Variants in TMEM50B observed in about 807,000 individuals in gnomAD.
The protein encoded by TMEM50B is HCV p7-trans-regulated protein 3.
Under a neutral mutation model 23.4 loss-of-function variants are expected in TMEM50B, and 14 were observed. The observed-to-expected ratio is 0.60, with a 90% confidence interval of 0.39 to 0.93. The LOEUF (loss-of-function observed/expected upper bound fraction) is 0.93, where lower values mean the gene tolerates loss of function less well. Ranked by LOEUF, TMEM50B falls within the 40% of genes least tolerant of loss-of-function variation. The pLI is 0.00. For synonymous variants in TMEM50B, 64 were observed against 62.3 expected (o/e 1.03, Z -0.13); for missense variants, 159 against 193.0 (o/e 0.82, Z 1.04).
intron 6 of TMEM50B, among the ~76,000 whole-genome samples, chr21:33,452,518 C>T (rs930271131): frequency 1.3e-5 from 2 of 152,146 alleles, no homozygotes; most frequent in African/African-American, 4.8e-5. Flanking sequence ...TCTCACAAGT[C>T]GAGTAGAGAA....
At chr21:33,441,373 A>T (rs919182373) in intron 7 of TMEM50B, among the ~76,000 whole-genome samples, 1 of 152,214 alleles carries the variant, frequency 6.6e-6, no homozygotes, top group African/African-American at 2.4e-5. Flanking sequence ...TTACAAGGGG[A>T]ACACGTGTGC....
At chr21:33,463,527 G>A (rs1409487421) in intron 4 of TMEM50B, among the ~76,000 whole-genome samples, 2 of 152,102 alleles carry the variant, frequency 1.3e-5, no homozygotes, top group Non-Finnish European at 2.9e-5. Context: ...TTGGGGCAAT[G>A]GAAATGTTCT....
At chr21:33,462,594 C>T (rs2084226757) in intron 4 of TMEM50B, among the ~76,000 whole-genome samples, 1 of 152,034 alleles carries the variant, frequency 6.6e-6, no homozygotes, top group African/African-American at 2.4e-5. Context: ...ATTGCTTGAG[C>T]CCAGGAGTTC....
At chr21:33,441,994 A>G (rs1289149178) in intron 7 of TMEM50B, among the ~76,000 whole-genome samples, 1 of 134,484 alleles carries the variant, frequency 7.4e-6, no homozygotes, top group Non-Finnish European at 1.5e-5. Flanking sequence ...CCCCAGCTCT[A>G]TTTGTCAGGG....
At chr21:33,438,807 G>T (rs1037008277) in intron 8 of TMEM50B, among the ~76,000 whole-genome samples, 4 of 151,888 alleles carry the variant, frequency 2.6e-5, no homozygotes, top group African/African-American at 9.7e-5. Flanking sequence ...TCAGCTCGCT[G>T]CAACCTCCAC....
At chr21:33,434,324 C>G (rs2083921605) in intron 8 of TMEM50B, among the ~76,000 whole-genome samples, 1 of 152,058 alleles carries the variant, frequency 6.6e-6, no homozygotes, top group Non-Finnish European at 1.5e-5. Context: ...GAGTTCGAGA[C>G]CAGCCTGGCC....
In TMEM50B at chr21:33,477,333, GC is replaced by G. The variant is rs574427440; in HGVS notation, c.-42+2504del. Among the ~76,000 whole-genome samples the G allele has an allele frequency of 2.0e-5, 3 of 151,978 alleles. No individual in the cohort carries two copies. The South Asian group carries it at 6.2e-4, about 32-fold the overall frequency. On this transcript the variant is annotated intron_variant, in intron 1 of 6. Coordinates refer to ENST00000542230, the MANE Select transcript of TMEM50B (RefSeq NM_006134.7). ...GAGGAAATGAGGTAGGTCTCCACGT[GC>G]TTATGAAGGAAATGTGTCCTTATAT...
rs1008131463 is a variant in TMEM50B, at chr21:33,474,988, G to A, written c.-42+4850C>T. Among the ~76,000 whole-genome samples the A allele has an allele frequency of 6.8e-5, 10 of 147,510 alleles. No homozygotes were observed. The East Asian group carries it at 1.5e-3, about 22-fold the overall frequency. On this transcript the variant is annotated intron_variant, in intron 1 of 6. Transcript: ENST00000542230. Reference sequence around the variant, plus strand: ...GTCACCCAGGATGGAGTGCAGTGGCGTGATCTGAGCTCACTGCAACCTCCA... The same window carrying A: ...GTCACCCAGGATGGAGTGCAGTGGCATGATCTGAGCTCACTGCAACCTCCA...
chr21:33,441,898 T>G (rs2084012025), intron 7 of TMEM50B, among the ~76,000 whole-genome samples: 1 of 152,246 alleles, frequency 6.6e-6, no homozygotes. Context: ...TCTAAAATGC[T>G]GGGATTACAG....
At chr21:33,433,469 C>T (rs771667447) in intron 8 of TMEM50B, among the ~76,000 whole-genome samples, 1 of 152,346 alleles carries the variant, frequency 6.6e-6, no homozygotes, top group East Asian at 1.9e-4. Flanking sequence ...TCCTACCACA[C>T]ACATGGACCT....
chr21:33,466,908 T>G, intron 3 of TMEM50B, 102 bp downstream of exon 3: 1 of 832,112 alleles, frequency 1.2e-6, no homozygotes, highest in East Asian at 2.7e-5. Context: ...TAAAAAATAG[T>G]CTATCAAATA....
rs528247763 is a variant in TMEM50B, at chr21:33,467,160, C to T, written c.100-38G>A. 5.3e-6 allele frequency: 8 copies of T among 1,521,308 alleles called. No individual in the cohort carries two copies. The Admixed American group carries it at 1.0e-4, about 19-fold the overall frequency. The allele number at this position is 1,521,308 out of a possible 1,614,324, so 94.2% of individuals were successfully genotyped here. ...CCCAAGTCACTGAAACATTAAAACT[C>T]TTGCTAGCACAATACCTGCTTTTTA... is the stretch of plus-strand genomic sequence containing the variant. On this transcript the variant is annotated intron_variant, in intron 2 of 6. Transcript: ENST00000542230.
At chr21:33,454,667 AT>A (rs959649396) in intron 6 of TMEM50B, among the ~76,000 whole-genome samples, 9 of 149,544 alleles carry the variant, frequency 6.0e-5, no homozygotes, top group East Asian at 2.0e-4. Context: ...GTTGTTGTTA[AT>A]TTTTTTTTTC....
At chr21:33,479,137 T>A (rs186434775) in intron 1 of TMEM50B, 3 of 227,794 alleles carry the variant, frequency 1.3e-5, no homozygotes, top group Non-Finnish European at 2.7e-5. Context: ...TCCAACTTAC[T>A]GTTTTAAGTA....
In TMEM50B at chr21:33,465,432, A is replaced by G. The variant is rs775943153; in HGVS notation, c.213-23T>C. ...ATCCTAGAACGGCACAAAATCATCA[A>G]ATGAATTTCAGTATTCGCTGTTAAA... On this transcript the variant is annotated intron_variant, in intron 3 of 6. Coordinates refer to ENST00000542230, the MANE Select transcript of TMEM50B (RefSeq NM_006134.7). The G allele has an allele frequency of 3.1e-6, 5 of 1,589,312 alleles. No homozygotes were observed. The African/African-American group carries it at 4.0e-5, about 13-fold the overall frequency.
intron 6 of TMEM50B, among the ~76,000 whole-genome samples, chr21:33,455,491 G>A (rs796948991): frequency 7.9e-5 from 12 of 152,186 alleles, no homozygotes; most frequent in African/African-American, 2.6e-4. Flanking sequence ...TGGCCTAAAT[G>A]TGAATTCAAA....
intron 1 of TMEM50B, chr21:33,478,753 TA>T (rs200512343): frequency 6.0e-5 from 28 of 466,262 alleles, no homozygotes; most frequent in Middle Eastern, 3.3e-4. Context: ...ATCTTCAGTT[TA>T]AAAAAAAAGT....
chr21:33,471,361 C>T (rs1265333994), intron 1 of TMEM50B, among the ~76,000 whole-genome samples: 1 of 151,926 alleles, frequency 6.6e-6, no homozygotes, highest in Non-Finnish European at 1.5e-5. Context: ...AAAAAAATCA[C>T]TAGACATGCA....
Position 33,449,222 on chromosome 21 carries a change from G to C in TMEM50B, c.*1596C>G, listed in dbSNP as rs547615164. 2.0e-5 allele frequency: 3 copies of C among 152,218 alleles called. No individual in the cohort carries two copies. Among genetic ancestry groups the C allele is most frequent in the Non-Finnish European group, 4.4e-5 (3 of 68,042 alleles). The allele number at this position is 152,218 out of a possible 1,614,324, so 9.4% of individuals were successfully genotyped here. ...CTTACAATTTGCTAGAAGCATGACA[G>C]AGCTTACTAACATTTTGAAGAAAAA... On this transcript the variant is annotated 3_prime_UTR_variant, in exon 7 of 7. Transcript: ENST00000542230.
Sources: allele counts gnomAD v4.1 joint callset (sites outside exome capture counted in the v4.1 genomes callset), GRCh38; gene constraint gnomAD v4.1.1; transcripts MANE v1.5; gene names NCBI Gene and HGNC (gene_info 2026-07-23, HGNC 2026-07-21).